NT5DC3: variants seen among roughly 807,000 people sequenced by gnomAD.
NT5DC3 encodes 5'-nucleotidase domain-containing protein 3.
NT5DC3 carries 42 observed loss-of-function variants against 67.8 expected under a neutral mutation model. The observed-to-expected ratio is 0.62, with a 90% CI of 0.48 to 0.80. NT5DC3 has a LOEUF of 0.80. NT5DC3 is among the 30% of genes least tolerant of loss of function. The pLI, the probability that NT5DC3 is intolerant of heterozygous loss-of-function variation, is 0.00. For synonymous variants in NT5DC3, 237 were observed against 255.6 expected (o/e 0.93, Z 0.69); for missense variants, 570 against 696.4 (o/e 0.82, Z 2.04).
chr12:103,775,210 T>C lies in NT5DC3; in HGVS notation c.*2619A>G, dbSNP rs997376391. On this transcript the variant is annotated 3_prime_UTR_variant, in exon 14 of 14. Coordinates refer to ENST00000392876, the MANE Select transcript of NT5DC3 (RefSeq NM_001031701.3). Reference sequence around the variant, plus strand: ...AGCCTTGGTGGCCCAGATGTCAGGCTTCTGTCACATGGGAGATCTCAACAC... The same window carrying C: ...AGCCTTGGTGGCCCAGATGTCAGGCCTCTGTCACATGGGAGATCTCAACAC... 2 of 152,208 alleles carry C rather than the reference T, an allele frequency of 1.3e-5. No homozygotes were observed. The highest frequency in any genetic ancestry group is 2.9e-5 in the Non-Finnish European group (2 of 68,044). 9.4% of individuals were successfully genotyped at this position (152,208 alleles called of 1,614,324 possible). A position where few individuals can be genotyped will look rare whatever the true frequency, so the allele number is the denominator to read the frequency against.
chr12:103,787,265 A>C (rs1206191308), intron 11 of NT5DC3, among the ~76,000 whole-genome samples, 176 bp downstream of exon 11: 6 of 152,006 alleles, frequency 3.9e-5, no homozygotes, highest in Admixed American at 3.9e-4. Flanking sequence ...TGTTAAAAAA[A>C]AAAAAAAGAC....
the NT5DC3 span, among the ~76,000 whole-genome samples, chr12:103,754,532 G>A: frequency 6.6e-6 from 1 of 152,040 alleles, no homozygotes; most frequent in Non-Finnish European, 1.5e-5. Context: ...CCCCAGATAA[G>A]CTCCCAATAA....
chr12:103,770,460 G>C (rs1044297283), downstream of NT5DC3: 3 of 151,078 alleles, frequency 2.0e-5, no homozygotes, highest in Non-Finnish European at 4.4e-5. Flanking sequence ...TTTGAGACAG[G>C]GTCTCACTCT....
Position 103,841,128 on chromosome 12 carries a change from G to C in NT5DC3, c.29C>G (p.Ala10Gly). 1.1e-6 allele frequency: 1 copy of C among 906,036 alleles called. No individual in the cohort carries two copies. Among genetic ancestry groups the C allele is most frequent in the Non-Finnish European group, 1.5e-6 (1 of 671,374 alleles). 56.1% of individuals were successfully genotyped at this position (906,036 alleles called of 1,614,324 possible). The stretch of plus-strand genomic sequence containing the variant: ...CGCTGCCCTCGCCCCGGCCCCGCGT[G>C]CCACCACCGCCGCCGCTGCCATGGT... Reference protein sequence around the residue: MTMAAAAVVARGAGARAATA... With the variant: MTMAAAAVVGRGAGARAATA... The change falls in exon 1 of 14, where the codon GCA becomes GGA. Residue 10 changes from alanine (A) to glycine (G), a missense_variant. Physicochemically the swap from Ala to Gly is moderately conservative, Grantham distance 60. This residue lies in a region of NT5DC3 where 104 missense variants were observed against 88.4 expected (regional missense o/e 1.18). Coordinates refer to ENST00000392876, the MANE Select transcript of NT5DC3 (RefSeq NM_001031701.3).
At chr12:103,757,195 C>T in the NT5DC3 span, among the ~76,000 whole-genome samples, 1 of 151,384 alleles carries the variant, frequency 6.6e-6, no homozygotes, top group Non-Finnish European at 1.5e-5. Flanking sequence ...CTCAAGGGCT[C>T]CTCCCACCCC....
At chr12:103,792,957 G>C (rs975596911) in intron 9 of NT5DC3, among the ~76,000 whole-genome samples, 1 of 152,140 alleles carries the variant, frequency 6.6e-6, no homozygotes, top group Non-Finnish European at 1.5e-5. Context: ...AGCTCAAGTT[G>C]AACTGAGAAC....
chr12:103,813,073 A>C (rs1887103137), intron 2 of NT5DC3, among the ~76,000 whole-genome samples: 2 of 152,260 alleles, frequency 1.3e-5, no homozygotes, highest in Non-Finnish European at 2.9e-5. Flanking sequence ...TTCAGCACCT[A>C]GTGGACAATC....
chr12:103,763,540 A>G, the NT5DC3 span: 1 of 1,614,034 alleles, frequency 6.2e-7, no homozygotes. Flanking sequence ...GCAGCCTGAG[A>G]ATATCTCGAA....
the NT5DC3 span, chr12:103,763,840 G>A: frequency 5.1e-6 from 2 of 395,004 alleles, no homozygotes; most frequent in Admixed American, 4.2e-5. Context: ...AGAGACAGGC[G>A]AGAACAAGAG....
intron 2 of NT5DC3, among the ~76,000 whole-genome samples, chr12:103,813,564 A>T (rs76912445): frequency 0.012 from 1,795 of 152,320 alleles, 40 homozygotes; most frequent in African/African-American, 0.04. Flanking sequence ...AATGGTTAGG[A>T]TCCAAAACTA....
chr12:103,751,996 T>C, the NT5DC3 span, among the ~76,000 whole-genome samples: 2 of 152,122 alleles, frequency 1.3e-5, no homozygotes, highest in African/African-American at 2.4e-5. Context: ...ACACAGTTCA[T>C]AGGAGGGCAA....
intron 1 of NT5DC3, among the ~76,000 whole-genome samples, chr12:103,824,885 T>C (rs1379654099): frequency 2.0e-5 from 3 of 151,498 alleles, no homozygotes; most frequent in Admixed American, 2.0e-4. Context: ...TCCTTGTAAA[T>C]TGGTTTTCTC....
chr12:103,777,938 C>G lies in NT5DC3; in HGVS notation c.1538G>C (p.Ser513Thr). Residue 513 changes from serine to threonine, a missense_variant, in exon 14 of 14, where the codon AGC becomes ACC. This residue lies in a region of NT5DC3 where 466 missense variants were observed against 608.0 expected (regional missense o/e 0.77). Transcript: ENST00000392876. ...AGTCCTCCGGGGGTAGAAAGTGTGG[C>G]TGACGTCATAGTTCAGGAGGCAGCT... Reference protein sequence around the residue: ...SLSCLLNYDVSHTFYPRRTPL... With the variant: ...SLSCLLNYDVTHTFYPRRTPL... 3.1e-6 allele frequency: 5 copies of G among 1,614,198 alleles called. No individual in the cohort carries two copies. Among genetic ancestry groups the G allele is most frequent in the Non-Finnish European group, 4.2e-6 (5 of 1,180,046 alleles).
chr12:103,783,124 G>A (rs910266345), intron 12 of NT5DC3, among the ~76,000 whole-genome samples: 3 of 152,202 alleles, frequency 2.0e-5, no homozygotes, highest in African/African-American at 7.2e-5. Context: ...AATCCCCAAG[G>A]GGGAGTTCTA....
intron 2 of NT5DC3, 37 bp from the exon 3 acceptor site, chr12:103,806,966 T>C (rs1886826180): frequency 8.3e-7 from 1 of 1,205,620 alleles, no homozygotes; most frequent in Non-Finnish European, 1.2e-6. Context: ...TAGCCAACAA[T>C]GTGCCAAGTG....
the NT5DC3 span, chr12:103,755,635 G>A: frequency 1.2e-6 from 2 of 1,614,014 alleles, no homozygotes; most frequent in African/African-American, 1.3e-5. Context: ...CTGCAAGGTG[G>A]GCTATGTGGG....
intron 4 of NT5DC3, chr12:103,802,264 A>C (rs1328796053): frequency 1.3e-5 from 2 of 152,248 alleles, no homozygotes; most frequent in Admixed American, 1.3e-4. Context: ...AAAGCATTTC[A>C]GGCTGAGAGG....
chr12:103,779,686 C>T (rs996992009), intron 13 of NT5DC3, among the ~76,000 whole-genome samples: 10 of 152,154 alleles, frequency 6.6e-5, no homozygotes, highest in Admixed American at 5.9e-4. Context: ...CTATACCCAG[C>T]GGCTGAAGAA....
chr12:103,778,884 C>T (rs1423462282), intron 13 of NT5DC3, among the ~76,000 whole-genome samples: 1 of 152,198 alleles, frequency 6.6e-6, no homozygotes, highest in Non-Finnish European at 1.5e-5. Flanking sequence ...TCCCCCTTAA[C>T]TGTCTCAAGG....
Sources: allele counts gnomAD v4.1 joint callset (sites outside exome capture counted in the v4.1 genomes callset), GRCh38; gene constraint gnomAD v4.1.1; regional missense constraint gnomAD v4.1.1; transcripts MANE v1.5; gene names NCBI Gene and HGNC (gene_info 2026-07-23, HGNC 2026-07-21).